Variants in VGLL4 observed in about 807,000 individuals in gnomAD.
The protein encoded by VGLL4 is transcription cofactor vestigial-like protein 4.
In VGLL4, 7 loss-of-function variants were observed where a neutral mutation model predicts 21.0. That is an observed-to-expected ratio of 0.33 (90% CI 0.19 to 0.63). The LOEUF is 0.63. Ranked by LOEUF, VGLL4 falls within the 20% of genes least tolerant of loss-of-function variation. VGLL4 has a pLI of 0.78. For synonymous variants in VGLL4, 222 were observed against 173.2 expected (o/e 1.28, Z -2.21); for missense variants, 394 against 425.7 (o/e 0.93, Z 0.66).
At position 11,558,453 on chromosome 3, in the gene VGLL4, T is replaced by TG; in HGVS notation, c.*102_*103insC. On this transcript the variant is annotated 3_prime_UTR_variant, in exon 5 of 5. Coordinates refer to ENST00000430365, the MANE Select transcript of VGLL4 (RefSeq NM_001128219.3). ...TTTTGCAAATAAACCATCCCTTCCC[T>TG]TCCCCCCACCCCACCCCCATGATTT... 11 of 984,160 alleles carry TG rather than the reference T, an allele frequency of 1.1e-5. No homozygotes were observed. The highest frequency in any genetic ancestry group is 3.3e-5 in the East Asian group (1 of 30,470). The allele number at this position is 984,160 out of a possible 1,614,324, so 61.0% of individuals were successfully genotyped here.
intron 2 of VGLL4, among the ~76,000 whole-genome samples, chr3:11,679,886 T>C (rs1056566630): frequency 3.9e-5 from 6 of 152,194 alleles, no homozygotes; most frequent in Non-Finnish European, 5.9e-5. Flanking sequence ...ATAAAGTTAG[T>C]GTAGCCTTCA....
chr3:11,581,603 G>T (rs1198268899), intron 2 of VGLL4, among the ~76,000 whole-genome samples: 4 of 152,118 alleles, frequency 2.6e-5, no homozygotes, highest in Admixed American at 1.3e-4. Flanking sequence ...TGAAACAAAA[G>T]CATTCATTTT....
intron 2 of VGLL4, among the ~76,000 whole-genome samples, chr3:11,659,290 CT>C (rs771337240): frequency 0.075 from 8,250 of 110,290 alleles, 293 homozygotes; most frequent in African/African-American, 0.12. Context: ...ATCCTATTTT[CT>C]TTTTTTTTTT....
chr3:11,697,646 C>T (rs943261815), intron 2 of VGLL4, among the ~76,000 whole-genome samples: 4 of 152,124 alleles, frequency 2.6e-5, no homozygotes, highest in Admixed American at 6.5e-5. Context: ...CTAAACATTA[C>T]GTTATCATTA....
intron 2 of VGLL4, among the ~76,000 whole-genome samples, chr3:11,567,441 A>T (rs939897476): frequency 1.6e-4 from 25 of 152,252 alleles, no homozygotes; most frequent in African/African-American, 5.8e-4. Context: ...GCAATTAAGG[A>T]TTAAATGTTC....
At chr3:11,655,239 T>G (rs1460036261) in intron 2 of VGLL4, among the ~76,000 whole-genome samples, 1 of 152,210 alleles carries the variant, frequency 6.6e-6, no homozygotes, top group Non-Finnish European at 1.5e-5. Context: ...TGAAAATAGC[T>G]ACCCACGTAA....
chr3:11,671,214 T>A lies in VGLL4; in HGVS notation c.64+31757A>T, dbSNP rs182476936. On this transcript the variant is annotated intron_variant, in intron 2 of 5. Coordinates refer to the VGLL4 transcript ENST00000273038. ...ATTTTGCAAATTAATTAATTTCAAT[T>A]AAGAAATGTCAATTAAGAAAATGTG... The A allele has an allele frequency of 3.9e-6, 6 of 1,555,526 alleles. No homozygotes were observed. In the Admixed American group the frequency reaches 9.1e-5, roughly 23 times the overall value.
intron 1 of VGLL4, among the ~76,000 whole-genome samples, chr3:11,624,485 G>A (rs1480506604): frequency 6.6e-6 from 1 of 152,014 alleles, no homozygotes; most frequent in Non-Finnish European, 1.5e-5. Flanking sequence ...CCAGCTTTAG[G>A]AGGGCTCACC....
chr3:11,570,646 TAAG>T (rs1223626284), intron 2 of VGLL4, among the ~76,000 whole-genome samples: 2 of 152,166 alleles, frequency 1.3e-5, no homozygotes, highest in Non-Finnish European at 2.9e-5. Context: ...ACAAGGGAGT[TAAG>T]GAGATTTCAG....
rs1476232263 is a variant in VGLL4 at position 11,613,861 on chromosome 3, T to A, written c.83-11839A>T. Among the ~76,000 whole-genome samples, 3 of 152,284 alleles carry A rather than the reference T, an allele frequency of 2.0e-5. No individual in the cohort carries two copies. In the East Asian group the frequency reaches 5.8e-4, roughly 30 times the overall value. On this transcript the variant is annotated intron_variant, in intron 1 of 4. Transcript: ENST00000430365. Reference sequence around the variant, plus strand: ...GAACAAAGGGAACCTCTAACTGTCCTTCTCGCTACTCATGACAGGCCCCCG... The same window carrying A: ...GAACAAAGGGAACCTCTAACTGTCCATCTCGCTACTCATGACAGGCCCCCG...
intron 2 of VGLL4, among the ~76,000 whole-genome samples, chr3:11,694,458 T>TA (rs967471060): frequency 2.0e-5 from 3 of 151,838 alleles, no homozygotes; most frequent in Non-Finnish European, 2.9e-5. Context: ...CTGTCTTTAC[T>TA]AAAAAATACA....
chr3:11,562,572 G>C (rs2073118383), intron 3 of VGLL4, among the ~76,000 whole-genome samples: 1 of 152,248 alleles, frequency 6.6e-6, no homozygotes, highest in Admixed American at 6.5e-5. Flanking sequence ...AGCTGCTGGA[G>C]CACAGGCAAC....
At chr3:11,566,799 C>T (rs2073554428) in intron 2 of VGLL4, among the ~76,000 whole-genome samples, 1 of 152,168 alleles carries the variant, frequency 6.6e-6, no homozygotes, top group Non-Finnish European at 1.5e-5. Flanking sequence ...TCTACGCACC[C>T]GCCCCTCCTC....
rs371358864 is a variant in VGLL4 at position 11,567,979 on chromosome 3, G to A, written c.273-2960C>T. ...ACACAGTCTGCCTCCGAATTTAGAC[G>A]TCTGTTTACTCAACCAGCGCTAGTT... On this transcript the variant is annotated intron_variant, in intron 2 of 4. Coordinates refer to ENST00000430365, the MANE Select transcript of VGLL4 (RefSeq NM_001128219.3). Among the ~76,000 whole-genome samples the A allele has an allele frequency of 6.6e-5, 10 of 152,136 alleles. No individual in the cohort carries two copies. In the South Asian group the frequency reaches 8.3e-4, roughly 13 times the overall value.
chr3:11,604,473 A>G (rs2074886681), intron 1 of VGLL4: 1 of 957,336 alleles, frequency 1.0e-6, no homozygotes, highest in Admixed American at 6.7e-5. Context: ...AGGTCCGTTC[A>G]GTTATGTGCC....
chr3:11,608,741 T>C (rs2074999326), intron 1 of VGLL4, among the ~76,000 whole-genome samples: 2 of 152,212 alleles, frequency 1.3e-5, no homozygotes, highest in African/African-American at 2.4e-5. Flanking sequence ...AAGACTGAAG[T>C]TTATCTTACA....
intron 1 of VGLL4, among the ~76,000 whole-genome samples, chr3:11,704,899 G>C (rs759716453): frequency 3.9e-5 from 6 of 152,206 alleles, no homozygotes; most frequent in Admixed American, 1.3e-4. Context: ...GATGAATTCT[G>C]AAAGGCTTTG....
At chr3:11,601,481 G>A (rs957119327) in intron 2 of VGLL4, among the ~76,000 whole-genome samples, 23 of 152,160 alleles carry the variant, frequency 1.5e-4, no homozygotes, top group African/African-American at 5.3e-4. Context: ...TTCACTAAAT[G>A]TTGATTCTCC....
chr3:11,627,458 G>T (rs1473605724), intron 1 of VGLL4: 1 of 151,916 alleles, frequency 6.6e-6, no homozygotes, highest in Non-Finnish European at 1.5e-5. Flanking sequence ...AGCCGGGCGT[G>T]GTGGCAGGCG....
Sources: gnomAD v4.1 joint callset for allele counts (sites outside exome capture counted in the v4.1 genomes callset) on GRCh38, gnomAD v4.1.1 for gene constraint, MANE v1.5 for transcripts, NCBI Gene and HGNC (gene_info 2026-07-23, HGNC 2026-07-21) for gene names.